Variants in POMGNT1 observed in about 807,000 individuals in gnomAD.
The protein encoded by POMGNT1 is protein O-linked-mannose beta-1,2-N-acetylglucosaminyltransferase 1.
Under a neutral mutation model 95.6 loss-of-function variants are expected in POMGNT1, and 67 were observed. The ratio of observed to expected loss-of-function variants is 0.70; its 90% CI spans 0.58 to 0.86. The LOEUF is 0.86. Among genes scored for constraint, POMGNT1 ranks in the 40% least tolerant of loss-of-function variants. The pLI is 0.00. For synonymous variants in POMGNT1, 298 were observed against 317.9 expected, an observed-to-expected ratio of 0.94 and a Z score of 0.66; for missense variants, 719 against 855.2, an observed-to-expected ratio of 0.84 and a Z score of 1.99.
chr1:46,193,019 G>A, intron 13 of POMGNT1, 61 bp from the exon 14 acceptor site: 2 of 1,608,048 alleles, frequency 1.2e-6, no homozygotes, highest in African/African-American at 1.3e-5. Flanking sequence ...GATCTCCTTT[G>A]CCCCCAACCC....
At chr1:46,205,054 T>C (rs1407026822) in intron 1 of POMGNT1, among the ~76,000 whole-genome samples, 5 of 151,794 alleles carry the variant, frequency 3.3e-5, no homozygotes, top group Non-Finnish European at 1.5e-5. Flanking sequence ...GCCCAGGAGT[T>C]TGAGACCAGC....
At chr1:46,206,908 T>C (rs948851394) in intron 1 of POMGNT1, among the ~76,000 whole-genome samples, 1 of 152,064 alleles carries the variant, frequency 6.6e-6, no homozygotes, top group Non-Finnish European at 1.5e-5. Context: ...ACATTTCTAG[T>C]ACAGGATGAT....
At chr1:46,213,320 A>G (rs560010035) in intron 1 of POMGNT1, among the ~76,000 whole-genome samples, 1 of 151,036 alleles carries the variant, frequency 6.6e-6, no homozygotes, top group South Asian at 2.1e-4. Context: ...ATTGATATTC[A>G]GTAATTGTGC....
At position 46,192,118 on chromosome 1, in the gene POMGNT1, T is replaced by A; in HGVS notation, c.1519A>T (p.Asn507Tyr). 1 of 1,614,168 alleles carries A rather than the reference T, an allele frequency of 6.2e-7. No individual in the cohort carries two copies. Among genetic ancestry groups the A allele is most frequent in the Non-Finnish European group, 8.5e-7 (1 of 1,179,988 alleles). Reference sequence around the variant, plus strand: ...CTCACGTGAAAGTAGCCATTCATGTTGAGGCCGACGATGCCAAAGTGGTAG... The same window carrying A: ...CTCACGTGAAAGTAGCCATTCATGTAGAGGCCGACGATGCCAAAGTGGTAG... ...RSYHFGIVGLNMNGYFHEAYF... is the reference protein window; with the variant it reads ...RSYHFGIVGLYMNGYFHEAYF... Residue 507 changes from asparagine (N) to tyrosine (Y), a missense_variant, in exon 17 of 22, where the codon AAC becomes TAC. Physicochemically the swap from Asn to Tyr is moderately radical, Grantham distance 143 (BLOSUM62 -2). Coordinates refer to ENST00000371984, the MANE Select transcript of POMGNT1 (RefSeq NM_017739.4).
In POMGNT1 at chr1:46,198,360, CGGGCCCCGCTA is replaced by C. The variant is rs927456551; in HGVS notation, c.-86_-76del. On this transcript the variant is annotated 5_prime_UTR_variant, in exon 1 of 22. Transcript: ENST00000371984. The stretch of plus-strand genomic sequence containing the variant: ...CGGCTTAGGGGCCCCGGGCCCCGCT[CGGGCCCCGCTA>C]GGGCCCTCACTGCTCGGCCCGGCTC... 2 of 152,942 alleles carry C rather than the reference CGGGCCCCGCTA, an allele frequency of 1.3e-5. No homozygotes were observed. The highest frequency in any genetic ancestry group is 6.5e-5 in the Admixed American group (1 of 15,312). The allele number at this position is 152,942 out of a possible 1,614,324, so 9.5% of individuals were successfully genotyped here.
chr1:46,212,956 G>A (rs1379521591), intron 1 of POMGNT1, among the ~76,000 whole-genome samples: 1 of 151,554 alleles, frequency 6.6e-6, no homozygotes, highest in Non-Finnish European at 1.5e-5. Context: ...AGTAGAGACG[G>A]GGTTTCACCG....
Position 46,189,255 on chromosome 1 carries a change from G to A in POMGNT1, c.*15C>T. 6.2e-7 allele frequency: 1 copy of A among 1,612,194 alleles called. No homozygotes were observed. The highest frequency in any genetic ancestry group is 8.5e-7 in the Non-Finnish European group (1 of 1,179,136). The stretch of plus-strand genomic sequence containing the variant: ...GGTACACAGTACCCAGCCCCGCAGG[G>A]TCCTGGAGGAGGTCTCATGTCTGTT... On this transcript the variant is annotated 3_prime_UTR_variant, in exon 22 of 22. Coordinates refer to ENST00000371984, the MANE Select transcript of POMGNT1 (RefSeq NM_017739.4).
At chr1:46,197,643 AGGTGGGGAGGAAGCTGGGAGGGAGCGCTC>A in intron 2 of POMGNT1, 30 bp downstream of exon 2, 2 of 1,608,906 alleles carry the variant, frequency 1.2e-6, no homozygotes, top group Non-Finnish European at 8.5e-7. Context: ...TGCCTGATTT[AGGTGGGGAGGAAGCTGGGAGGGAGCGCTC>A]GGTGGGGAGG....
chr1:46,209,718 C>T (rs772743221), intron 1 of POMGNT1, among the ~76,000 whole-genome samples: 8 of 151,252 alleles, frequency 5.3e-5, no homozygotes, highest in Non-Finnish European at 1.2e-4. Flanking sequence ...GCCATGTTGG[C>T]CAGGCTGGTC....
At chr1:46,198,160 C>A in intron 1 of POMGNT1, 176 bp downstream of exon 1, 1 of 336,354 alleles carries the variant, frequency 3.0e-6, no homozygotes, top group Non-Finnish European at 5.7e-6. Context: ...AAGTTCCAGG[C>A]CTTCCCAAGC....
chr1:46,219,361 C>T lies in POMGNT1; in HGVS notation c.-51+344G>A, dbSNP rs144135996. Among the ~76,000 whole-genome samples, 585 of 152,062 alleles carry T rather than the reference C, an allele frequency of 3.8e-3. 3 individuals are homozygous for T. The highest frequency in any genetic ancestry group is 0.013 in the African/African-American group (540 of 41,512). ...AGCTTAATAGGATTGGATTTTAATACTTAACATTTACTGAGACCTTCCTCT... is the reference window on the plus strand; with the variant it reads ...AGCTTAATAGGATTGGATTTTAATATTTAACATTTACTGAGACCTTCCTCT... On this transcript the variant is annotated intron_variant, in intron 1 of 22. Coordinates refer to the POMGNT1 transcript ENST00000371992.
At chr1:46,207,362 G>A (rs532865021) in intron 1 of POMGNT1, among the ~76,000 whole-genome samples, 16 of 151,936 alleles carry the variant, frequency 1.1e-4, no homozygotes, top group Admixed American at 3.3e-4. Flanking sequence ...TTACAGGTGT[G>A]AGCCACTGCG....
At chr1:46,209,339 G>T (rs1658821280) in intron 1 of POMGNT1, among the ~76,000 whole-genome samples, 2 of 151,986 alleles carry the variant, frequency 1.3e-5, no homozygotes, top group African/African-American at 4.8e-5. Flanking sequence ...ATTTTATACT[G>T]CAAAAACCCT....
rs1247668825 is a variant in POMGNT1 at position 46,194,552 on chromosome 1, C to T, written c.751+1G>A. On this transcript the variant is annotated splice_donor_variant, in intron 8 of 21. Coordinates refer to ENST00000371984, the MANE Select transcript of POMGNT1 (RefSeq NM_017739.4). LOFTEE classifies it high-confidence loss of function. Reference sequence around the variant, plus strand: ...CCCCATCCATGCTCCACTAACTCCACCTTCTGCTGAGCTCAATGGCACATC... The same window carrying T: ...CCCCATCCATGCTCCACTAACTCCATCTTCTGCTGAGCTCAATGGCACATC... 4 of 1,614,058 alleles carry T rather than the reference C, an allele frequency of 2.5e-6. No homozygotes were observed. The highest frequency in any genetic ancestry group is 3.4e-6 in the Non-Finnish European group (4 of 1,180,034).
intron 12 of POMGNT1, 34 bp downstream of exon 12, chr1:46,193,271 G>A (rs776178040): frequency 1.2e-6 from 2 of 1,613,960 alleles, no homozygotes; most frequent in Non-Finnish European, 1.7e-6. Context: ...GCAGAGCCAG[G>A]TGTCTGCCCC....
chr1:46,194,476 G>A, intron 8 of POMGNT1, 75 bp from the exon 9 acceptor site: 1 of 1,614,108 alleles, frequency 6.2e-7, no homozygotes, highest in Non-Finnish European at 8.5e-7. Context: ...ACAATCAAAG[G>A]AATAAAGCTC....
intron 1 of POMGNT1, among the ~76,000 whole-genome samples, chr1:46,208,688 C>T (rs1658800275): frequency 6.6e-6 from 1 of 151,898 alleles, no homozygotes; most frequent in Non-Finnish European, 1.5e-5. Context: ...ACTAAAAATA[C>T]AAAAATTAGC....
chr1:46,189,003 G>A lies in POMGNT1; in HGVS notation c.*267C>T, dbSNP rs1209811170. 1 of 1,598,742 alleles carries A rather than the reference G, an allele frequency of 6.3e-7. No individual in the cohort carries two copies. Among genetic ancestry groups the A allele is most frequent in the African/African-American group, 1.3e-5 (1 of 74,574 alleles). On this transcript the variant is annotated 3_prime_UTR_variant, in exon 22 of 22. Coordinates refer to ENST00000371984, the MANE Select transcript of POMGNT1 (RefSeq NM_017739.4). ...GGCCTGGAAAGTGAGGGTATTCAAAGGGCAGGATGAGCTGCTAGGGATCGT... is the reference window on the plus strand; with the variant it reads ...GGCCTGGAAAGTGAGGGTATTCAAAAGGCAGGATGAGCTGCTAGGGATCGT...
chr1:46,203,653 A>G lies in POMGNT1; in HGVS notation c.-50-5782T>C, dbSNP rs2148234034. The G allele has an allele frequency of 2.5e-6, 4 of 1,590,402 alleles. No homozygotes were observed. In the East Asian group the frequency reaches 9.3e-5, roughly 37 times the overall value. ...AGTGCTGAATCCATGGGCCAAGGGG[A>G]CGAGTCCCTAGTGTAGGGCCGGGAG... On this transcript the variant is annotated intron_variant, in intron 1 of 22. Coordinates refer to the POMGNT1 transcript ENST00000371992.
Sources: gnomAD v4.1 joint callset for allele counts (sites outside exome capture counted in the v4.1 genomes callset) on GRCh38, gnomAD v4.1.1 for gene constraint, MANE v1.5 for transcripts, NCBI Gene and HGNC (gene_info 2026-07-23, HGNC 2026-07-21) for gene names.